CHMP2B: variants seen among roughly 807,000 people sequenced by gnomAD.
The protein encoded by CHMP2B is VPS2 homolog B.
A neutral mutation model predicts 29.8 loss-of-function variants in CHMP2B; 22 were observed. The ratio of observed to expected loss-of-function variants is 0.74; its 90% CI spans 0.53 to 1.05. The LOEUF (loss-of-function observed/expected upper bound fraction) is 1.05. CHMP2B is among the 50% of genes least tolerant of loss of function. The pLI, the probability that CHMP2B is intolerant of heterozygous loss-of-function variation, is 0.00. For missense variants in CHMP2B, 261 were observed against 252.2 expected (o/e 1.03, Z -0.24); for synonymous variants, 78 against 75.8 (o/e 1.03, Z -0.15).
chr3:87,231,937 A>G (rs1170965496), intron 1 of CHMP2B, among the ~76,000 whole-genome samples: 3 of 152,156 alleles, frequency 2.0e-5, no homozygotes, highest in Non-Finnish European at 4.4e-5. Context: ...GATAATGCTT[A>G]TTCTGTCTCT....
intron 4 of CHMP2B, chr3:87,253,016 C>A (rs768363315): frequency 5.5e-5 from 10 of 181,942 alleles, no homozygotes; most frequent in East Asian, 4.6e-4. Flanking sequence ...AAGAGTAAAT[C>A]GTTTTCCAGA....
chr3:87,236,356 CCCT>C (rs1251672086), intron 1 of CHMP2B, among the ~76,000 whole-genome samples: 1 of 152,024 alleles, frequency 6.6e-6, no homozygotes, highest in East Asian at 1.9e-4. Context: ...GGGTTTTAGG[CCCT>C]CTGTGCCAGG....
chr3:87,231,348 C>T (rs1705907058), intron 1 of CHMP2B, among the ~76,000 whole-genome samples: 1 of 152,124 alleles, frequency 6.6e-6, no homozygotes, highest in African/African-American at 2.4e-5. Flanking sequence ...AGTCATGCTT[C>T]TTTCGCTTCT....
chr3:87,229,795 C>T (rs369471453), intron 1 of CHMP2B, among the ~76,000 whole-genome samples: 21 of 152,074 alleles, frequency 1.4e-4, no homozygotes, highest in African/African-American at 5.1e-4. Flanking sequence ...AATCTTTTTT[C>T]CTGTTTGGAT....
At chr3:87,243,003 G>C (rs534131233) in intron 2 of CHMP2B, among the ~76,000 whole-genome samples, 1 of 152,108 alleles carries the variant, frequency 6.6e-6, no homozygotes, top group South Asian at 2.1e-4. Flanking sequence ...ACATTGAATA[G>C]TTACATATTA....
Position 87,249,895 on chromosome 3 carries a change from G to A in CHMP2B, c.342G>A (p.Lys114=). The change falls in exon 4 of 6, where the codon AAG becomes AAA. Residue 114 remains lysine, a synonymous_variant. Transcript: ENST00000263780. ...TTAKTMQAVN[K]KMDPQKTLQT... ...TAAAGACAATGCAGGCAGTTAACAA[G>A]AAGATGGATCCACAAAAGACATTAC... is the stretch of plus-strand genomic sequence containing the variant. The A allele has an allele frequency of 6.2e-7, 1 of 1,604,498 alleles. No homozygotes were observed. The highest frequency in any genetic ancestry group is 1.1e-5 in the South Asian group (1 of 90,174).
At chr3:87,244,481 T>G (rs146762620) in intron 2 of CHMP2B, among the ~76,000 whole-genome samples, 3,050 of 152,252 alleles carry the variant, frequency 0.02, 38 homozygotes, top group Non-Finnish European at 0.031. Flanking sequence ...TGCTGTAAAC[T>G]CTTCTAAGAG....
In CHMP2B at chr3:87,227,344, G is replaced by C; in HGVS notation, c.-179G>C. On this transcript the variant is annotated 5_prime_UTR_variant, in exon 1 of 6. Coordinates refer to ENST00000263780, the MANE Select transcript of CHMP2B (RefSeq NM_014043.4). ...GGTCACCTGAGCTCCGGGTGACGCG[G>C]CTGCGGTAGCTGCGGATACAAGCCT... The C allele has an allele frequency of 1.5e-6, 1 of 659,994 alleles. No individual in the cohort carries two copies. Among genetic ancestry groups the C allele is most frequent in the Admixed American group, 2.5e-5 (1 of 40,330 alleles). 40.9% of individuals were successfully genotyped at this position (659,994 alleles called of 1,614,324 possible). A position where few individuals can be genotyped will look rare whatever the true frequency, so the allele number is the denominator to read the frequency against.
intron 3 of CHMP2B, among the ~76,000 whole-genome samples, chr3:87,249,468 T>C (rs1706275268): frequency 6.6e-6 from 1 of 152,108 alleles, no homozygotes; most frequent in African/African-American, 2.4e-5. Flanking sequence ...CTAGTATATC[T>C]TCTAATCTTT....
chr3:87,245,448 C>CT (rs1244006801), intron 2 of CHMP2B, among the ~76,000 whole-genome samples: 1 of 114,300 alleles, frequency 8.7e-6, no homozygotes, highest in Non-Finnish European at 1.9e-5. Flanking sequence ...TTTTAATTTT[C>CT]TTCTGGGCTC....
intron 3 of CHMP2B, among the ~76,000 whole-genome samples, chr3:87,248,742 G>A (rs1476144616): frequency 6.8e-6 from 1 of 147,524 alleles, no homozygotes; most frequent in Non-Finnish European, 1.5e-5. Flanking sequence ...CCACTAGAGA[G>A]TTAGGTGTGT....
intron 1 of CHMP2B, among the ~76,000 whole-genome samples, chr3:87,237,040 C>T (rs1046565797): frequency 5.9e-5 from 9 of 152,102 alleles, no homozygotes; most frequent in African/African-American, 2.2e-4. Context: ...TTTTTTATAT[C>T]AGTCCATTGG....
intron 1 of CHMP2B, among the ~76,000 whole-genome samples, chr3:87,228,608 A>G (rs976925858): frequency 2.6e-5 from 4 of 152,214 alleles, no homozygotes; most frequent in Non-Finnish European, 1.5e-5. Flanking sequence ...GGGGAGGATA[A>G]CAAAGAAGTC....
chr3:87,238,682 G>A (rs1166592123), intron 1 of CHMP2B, among the ~76,000 whole-genome samples: 1 of 152,012 alleles, frequency 6.6e-6, no homozygotes, highest in Non-Finnish European at 1.5e-5. Flanking sequence ...ATATACCACC[G>A]TTTGTTTATC....
intron 4 of CHMP2B, 38 bp downstream of exon 4, chr3:87,250,015 T>G: frequency 7.8e-7 from 1 of 1,278,500 alleles, no homozygotes; most frequent in Non-Finnish European, 1.1e-6. Context: ...TATAGTTTTC[T>G]CATCTTTGAA....
intron 1 of CHMP2B, among the ~76,000 whole-genome samples, chr3:87,234,593 A>G (rs1254785602): frequency 6.6e-6 from 1 of 152,218 alleles, no homozygotes. Flanking sequence ...GAATGGTAAG[A>G]GAGAGAATAT....
chr3:87,247,177 A>G (rs1706228918), intron 3 of CHMP2B, among the ~76,000 whole-genome samples: 1 of 152,146 alleles, frequency 6.6e-6, no homozygotes, highest in Non-Finnish European at 1.5e-5. Context: ...GGAAATACTG[A>G]GTTATATTTC....
In CHMP2B at chr3:87,240,695, C is replaced by G. The variant is rs1490777928; in HGVS notation, c.35-4C>G. 1 of 1,596,498 alleles carries G rather than the reference C, an allele frequency of 6.3e-7. No individual in the cohort carries two copies. The highest frequency in any genetic ancestry group is 8.6e-7 in the Non-Finnish European group (1 of 1,164,214). On this transcript the variant is annotated splice_polypyrimidine_tract_variant and splice_region_variant and intron_variant, in intron 1 of 5. Coordinates refer to ENST00000263780, the MANE Select transcript of CHMP2B (RefSeq NM_014043.4). ...AATTTAGGTTTCTTTTGTGATTCTC[C>G]TAGATGTAATAAAGGAACAGAATCG...
intron 2 of CHMP2B, among the ~76,000 whole-genome samples, chr3:87,242,389 T>C (rs1201972677): frequency 6.6e-6 from 1 of 152,156 alleles, no homozygotes; most frequent in African/African-American, 2.4e-5. Flanking sequence ...TAGTGTTTTC[T>C]AAGTCTTCTG....
Sources: gnomAD v4.1 joint callset for allele counts (sites outside exome capture counted in the v4.1 genomes callset) on GRCh38, gnomAD v4.1.1 for gene constraint, MANE v1.5 for transcripts, NCBI Gene and HGNC (gene_info 2026-07-23, HGNC 2026-07-21) for gene names.